UBE2W: variants seen among roughly 807,000 people sequenced by gnomAD.
UBE2W encodes ubiquitin-conjugating enzyme E2 W.
In UBE2W, 18 loss-of-function variants were observed where a neutral mutation model predicts 27.2. The observed-to-expected ratio is 0.66, with a 90% CI of 0.46 to 0.98. The LOEUF is 0.98. Ranked by LOEUF, UBE2W falls within the 50% of genes least tolerant of loss-of-function variation. UBE2W has a pLI of 0.00. For missense variants in UBE2W, 90 were observed against 180.2 expected, an observed-to-expected ratio of 0.50 and a Z score of 2.87; for synonymous variants, 53 against 57.2, an observed-to-expected ratio of 0.93 and a Z score of 0.33.
At chr8:73,839,221 G>C (rs1326789704) in intron 1 of UBE2W, among the ~76,000 whole-genome samples, 1 of 151,694 alleles carries the variant, frequency 6.6e-6, no homozygotes, top group African/African-American at 2.4e-5. Flanking sequence ...CATCAGTACT[G>C]AAAAAGCACT....
At chr8:73,808,510 G>A (rs1809013752) in intron 4 of UBE2W, among the ~76,000 whole-genome samples, 1 of 152,242 alleles carries the variant, frequency 6.6e-6, no homozygotes, top group South Asian at 2.1e-4. Context: ...TAGGATTACA[G>A]GCGTGAGCCA....
downstream of UBE2W, among the ~76,000 whole-genome samples, chr8:73,781,964 CAG>C (rs1271454384): frequency 8.0e-5 from 9 of 112,998 alleles, no homozygotes; most frequent in African/African-American, 2.4e-4. Flanking sequence ...TTTTTTGAGA[CAG>C]AGTCTCGCTC....
chr8:73,804,747 T>TA (rs1214723685), intron 5 of UBE2W, among the ~76,000 whole-genome samples: 2 of 151,688 alleles, frequency 1.3e-5, no homozygotes, highest in African/African-American at 4.8e-5. Flanking sequence ...CCTTTGGAGA[T>TA]AGAGTCTCAT....
intron 1 of UBE2W, among the ~76,000 whole-genome samples, chr8:73,833,110 G>A (rs954593289): frequency 4.6e-5 from 7 of 150,826 alleles, no homozygotes; most frequent in East Asian, 2.0e-4. Context: ...GCTTGAACCC[G>A]GGAGGCAGAG....
At chr8:73,867,032 G>C (rs1406163084) in intron 1 of UBE2W, among the ~76,000 whole-genome samples, 1 of 151,588 alleles carries the variant, frequency 6.6e-6, no homozygotes, top group Non-Finnish European at 1.5e-5. Context: ...AAATTTTTGT[G>C]AATGTAATAA....
chr8:73,860,285 T>A (rs1163435555), intron 1 of UBE2W, among the ~76,000 whole-genome samples: 1 of 152,226 alleles, frequency 6.6e-6, no homozygotes, highest in Non-Finnish European at 1.5e-5. Flanking sequence ...TAAATTTTCC[T>A]TTTCAACCCA....
chr8:73,871,138 A>C (rs1399418695), intron 1 of UBE2W, among the ~76,000 whole-genome samples: 2 of 152,252 alleles, frequency 1.3e-5, no homozygotes, highest in Non-Finnish European at 2.9e-5. Flanking sequence ...TGACACTGCT[A>C]ATATAATCCA....
intron 1 of UBE2W, among the ~76,000 whole-genome samples, chr8:73,845,230 G>T (rs1810740718): frequency 6.6e-6 from 1 of 152,244 alleles, no homozygotes; most frequent in South Asian, 2.1e-4. Flanking sequence ...AGCTCATTGA[G>T]AACGGGCCAT....
intron 2 of UBE2W, 21 bp downstream of exon 2, chr8:73,830,360 C>G: frequency 6.5e-7 from 1 of 1,549,064 alleles, no homozygotes. Context: ...ACAAAGAGCC[C>G]TTTTAAAATT....
intron 5 of UBE2W, among the ~76,000 whole-genome samples, chr8:73,797,291 T>C (rs1379552607): frequency 6.6e-6 from 1 of 151,822 alleles, no homozygotes; most frequent in Non-Finnish European, 1.5e-5. Flanking sequence ...GACAGAAGAC[T>C]AGAAAAAAAA....
intron 5 of UBE2W, among the ~76,000 whole-genome samples, chr8:73,794,935 A>G (rs1808351224): frequency 6.6e-6 from 1 of 152,086 alleles, no homozygotes; most frequent in African/African-American, 2.4e-5. Flanking sequence ...GGTCATTAAA[A>G]AACTCATGAA....
At chr8:73,863,537 C>A (rs1811615404) in intron 1 of UBE2W, among the ~76,000 whole-genome samples, 4 of 148,116 alleles carry the variant, frequency 2.7e-5, no homozygotes, top group Admixed American at 1.3e-4. Context: ...ATGTAACTAA[C>A]CTGCACAATG....
chr8:73,872,496 A>G (rs560709532), intron 1 of UBE2W, among the ~76,000 whole-genome samples: 69 of 152,372 alleles, frequency 4.5e-4, no homozygotes, highest in African/African-American at 1.4e-3. Flanking sequence ...TTTATAAAAA[A>G]GGAAGTCAAC....
chr8:73,830,627 C>T (rs1375835837), intron 1 of UBE2W, among the ~76,000 whole-genome samples, 155 bp from the exon 2 acceptor site: 2 of 151,992 alleles, frequency 1.3e-5, no homozygotes, highest in African/African-American at 4.8e-5. Flanking sequence ...CTTGAGACTA[C>T]AGGCACACAC....
chr8:73,845,317 T>C lies in UBE2W; in HGVS notation c.16-14845A>G, dbSNP rs939520928. ...AAAGATCAGATTGATACTGTGTCTGTGTAGAAAGTAGTAGACATAGGAGAC... is the reference window on the plus strand; with the variant it reads ...AAAGATCAGATTGATACTGTGTCTGCGTAGAAAGTAGTAGACATAGGAGAC... On this transcript the variant is annotated intron_variant, in intron 1 of 5. Transcript: ENST00000602593. Among the ~76,000 whole-genome samples the C allele has an allele frequency of 7.2e-5, 11 of 152,198 alleles. No homozygotes were observed. In the East Asian group the frequency reaches 2.1e-3, roughly 29 times the overall value.
chr8:73,837,891 A>C (rs555640932), intron 1 of UBE2W, among the ~76,000 whole-genome samples: 95 of 152,370 alleles, frequency 6.2e-4, no homozygotes, highest in Non-Finnish European at 1.0e-4. Context: ...AAAAGGCCTA[A>C]AGTTATTTGC....
At chr8:73,812,222 A>C (rs941464218) in intron 3 of UBE2W, among the ~76,000 whole-genome samples, 6 of 123,158 alleles carry the variant, frequency 4.9e-5, no homozygotes, top group African/African-American at 2.4e-4. Flanking sequence ...TCCCACTAAT[A>C]AAAAAAAAAA....
chr8:73,799,570 C>T (rs2130853619), intron 5 of UBE2W, among the ~76,000 whole-genome samples: 1 of 152,214 alleles, frequency 6.6e-6, no homozygotes, highest in South Asian at 2.1e-4. Flanking sequence ...CATCCAGCAT[C>T]CAGGAAGTAT....
intron 1 of UBE2W, among the ~76,000 whole-genome samples, chr8:73,839,347 T>TG: frequency 7.6e-6 from 1 of 131,712 alleles, no homozygotes; most frequent in African/African-American, 2.7e-5. Context: ...TGCTCCTAGT[T>TG]AAAAAAAAAA....
Sources: gnomAD v4.1 joint callset for allele counts (sites outside exome capture counted in the v4.1 genomes callset) on GRCh38, gnomAD v4.1.1 for gene constraint, MANE v1.5 for transcripts, NCBI Gene and HGNC (gene_info 2026-07-23, HGNC 2026-07-21) for gene names.